The following GRM8 variants were observed in gnomAD, a reference collection of about 807,000 sequenced individuals.
GRM8 encodes the protein metabotropic glutamate receptor 8.
GRM8 carries 47 observed loss-of-function variants against 87.2 expected under a neutral mutation model. That is an observed-to-expected ratio of 0.54 (90% CI 0.43 to 0.69). The LOEUF (loss-of-function observed/expected upper bound fraction) is 0.69. GRM8 is among the 30% of genes least tolerant of loss of function. The pLI is 0.00. For synonymous variants in GRM8, 396 were observed against 404.5 expected, an observed-to-expected ratio of 0.98 and a Z score of 0.25; for missense variants, 1,019 against 1,139.2, an observed-to-expected ratio of 0.89 and a Z score of 1.52.
chr7:127,118,666 C>G (rs1336815700), intron 2 of GRM8, among the ~76,000 whole-genome samples: 1 of 152,162 alleles, frequency 6.6e-6, no homozygotes, highest in Non-Finnish European at 1.5e-5. Context: ...TGCCCAAGAC[C>G]AAGTAATTTG....
At chr7:126,500,615 A>G (rs1809497109) in intron 9 of GRM8, among the ~76,000 whole-genome samples, 1 of 152,032 alleles carries the variant, frequency 6.6e-6, no homozygotes, top group Admixed American at 6.6e-5. Flanking sequence ...TAGGAAGGAA[A>G]ACAATGCATG....
Position 126,657,421 on chromosome 7 carries a change from C to G in GRM8, c.1358-47923G>C, listed in dbSNP as rs189104188. On this transcript the variant is annotated intron_variant, in intron 7 of 10. Transcript: ENST00000339582. ...TTTCTTAGCAGTAAAAACAACCCCCCCCCAAAAAAGTCACATACAATTCCA... is the reference window on the plus strand; with the variant it reads ...TTTCTTAGCAGTAAAAACAACCCCCGCCCAAAAAAGTCACATACAATTCCA... Among the ~76,000 whole-genome samples the G allele has an allele frequency of 1.5e-3, 224 of 152,208 alleles. 1 individual carries two copies. Among genetic ancestry groups the G allele is most frequent in the African/African-American group, 5.2e-3 (217 of 41,510 alleles).
chr7:126,754,266 T>C (rs911558541), intron 7 of GRM8, among the ~76,000 whole-genome samples: 1 of 151,874 alleles, frequency 6.6e-6, no homozygotes, highest in Non-Finnish European at 1.5e-5. Context: ...TTTAAAAACC[T>C]GCAATAAATC....
At chr7:126,682,513 C>T (rs549566780) in intron 7 of GRM8, among the ~76,000 whole-genome samples, 2 of 152,328 alleles carry the variant, frequency 1.3e-5, no homozygotes, top group South Asian at 2.1e-4. Context: ...TTAATTTTAA[C>T]TCAGTTGTTT....
At chr7:126,860,454 A>G (rs886575312) in intron 6 of GRM8, among the ~76,000 whole-genome samples, 2 of 152,200 alleles carry the variant, frequency 1.3e-5, no homozygotes, top group African/African-American at 4.8e-5. Context: ...TAAGAAATGT[A>G]TTTTGGTAAA....
Position 126,802,428 on chromosome 7 carries a change from T to C in GRM8, c.1157-32363A>G, listed in dbSNP as rs371544343. Among the ~76,000 whole-genome samples the C allele has an allele frequency of 5.9e-5, 9 of 152,302 alleles. No homozygotes were observed. The East Asian group carries it at 1.2e-3, about 20-fold the overall frequency. ...TCCACATAAAAGTGAGATTGTTCAG[T>C]ATTTGTCTTTCTGTGCCTGGCTTAT... On this transcript the variant is annotated intron_variant, in intron 6 of 10. Transcript: ENST00000339582.
At chr7:126,444,915 G>T (rs1456521120) in intron 10 of GRM8, among the ~76,000 whole-genome samples, 1 of 151,974 alleles carries the variant, frequency 6.6e-6, no homozygotes, top group Non-Finnish European at 1.5e-5. Context: ...GGAGGCTTAG[G>T]TGGGAGGATC....
intron 9 of GRM8, among the ~76,000 whole-genome samples, chr7:126,485,342 G>A (rs1253328736): frequency 1.4e-5 from 2 of 145,544 alleles, no homozygotes; most frequent in Non-Finnish European, 3.0e-5. Flanking sequence ...TCATACATAG[G>A]CAGCAACAAC....
intron 7 of GRM8, among the ~76,000 whole-genome samples, chr7:126,666,293 G>A (rs878991893): frequency 5.3e-5 from 8 of 152,128 alleles, no homozygotes; most frequent in Admixed American, 5.2e-4. Flanking sequence ...TGTATCTGAT[G>A]CACGGTAATA....
intron 2 of GRM8, among the ~76,000 whole-genome samples, chr7:127,176,176 T>A (rs1437369948): frequency 6.6e-6 from 1 of 152,192 alleles, no homozygotes; most frequent in East Asian, 1.9e-4. Flanking sequence ...ATTAAAAAAA[T>A]TTTTAAGAAA....
chr7:126,492,962 G>A (rs1399133825), intron 9 of GRM8, among the ~76,000 whole-genome samples: 1 of 152,016 alleles, frequency 6.6e-6, no homozygotes. Flanking sequence ...ATCAGTATGG[G>A]CACCAGCACA....
intron 3 of GRM8, among the ~76,000 whole-genome samples, chr7:127,012,623 G>GTTT (rs1451307754): frequency 6.6e-6 from 1 of 152,058 alleles, no homozygotes; most frequent in Non-Finnish European, 1.5e-5. Flanking sequence ...TCACATCACA[G>GTTT]CTTCTATGAT....
At position 127,247,942 on chromosome 7, in the gene GRM8, T is replaced by C. The variant is rs1163885219; in HGVS notation, c.-311-4427A>G. On this transcript the variant is annotated intron_variant, in intron 1 of 10. Transcript: ENST00000339582. ...AGCTCTTCTACACAAGCCAGCCTCA[T>C]ATTTTAAAAAATCTGATACAGGAGA... Among the ~76,000 whole-genome samples, 3 of 152,178 alleles carry C rather than the reference T, an allele frequency of 2.0e-5. No individual in the cohort carries two copies. In the East Asian group the frequency reaches 5.8e-4, roughly 29 times the overall value.
intron 6 of GRM8, among the ~76,000 whole-genome samples, chr7:126,871,840 G>A (rs906488709): frequency 6.6e-6 from 1 of 152,146 alleles, no homozygotes; most frequent in Non-Finnish European, 1.5e-5. Flanking sequence ...ATAGATACTT[G>A]TACACATAGT....
intron 7 of GRM8, among the ~76,000 whole-genome samples, chr7:126,644,273 T>C (rs1427875959): frequency 1.3e-5 from 2 of 152,224 alleles, no homozygotes; most frequent in Non-Finnish European, 2.9e-5. Context: ...AGCGGCCTCA[T>C]ACTTTACTCA....
chr7:126,562,812 G>A (rs181005021), intron 8 of GRM8, among the ~76,000 whole-genome samples: 5 of 152,208 alleles, frequency 3.3e-5, no homozygotes, highest in South Asian at 2.1e-4. Context: ...CAGGAGAACC[G>A]CTTGAACCCA....
chr7:127,132,067 C>T (rs149780642), intron 2 of GRM8, among the ~76,000 whole-genome samples: 1,638 of 152,258 alleles, frequency 0.011, 17 homozygotes, highest in Non-Finnish European at 0.016. Context: ...CCATTATGCA[C>T]CACAGACCAG....
chr7:127,158,170 C>G (rs1792858254), intron 2 of GRM8, among the ~76,000 whole-genome samples: 1 of 152,102 alleles, frequency 6.6e-6, no homozygotes, highest in African/African-American at 2.4e-5. Flanking sequence ...TCTAATAGTC[C>G]TAAAATTGCT....
intron 2 of GRM8, among the ~76,000 whole-genome samples, chr7:127,188,667 T>C (rs1794863659): frequency 2.6e-5 from 4 of 152,174 alleles, no homozygotes. Context: ...CCCCAACCAA[T>C]CTATCAAGAA....
Sources: gnomAD v4.1 joint callset for allele counts (sites outside exome capture counted in the v4.1 genomes callset) on GRCh38, gnomAD v4.1.1 for gene constraint, MANE v1.5 for transcripts, NCBI Gene and HGNC (gene_info 2026-07-23, HGNC 2026-07-21) for gene names.